DMD: variants seen among roughly 807,000 people sequenced by gnomAD.
The protein encoded by DMD is mutant dystrophin.
In DMD, 63 loss-of-function variants were observed where a neutral mutation model predicts 330.1. That is an observed-to-expected ratio of 0.19 (90% CI 0.16 to 0.24). The LOEUF (loss-of-function observed/expected upper bound fraction) is 0.24. Among genes scored for constraint, DMD ranks in the 10% least tolerant of loss-of-function variants. The pLI is 1.00. For synonymous variants in DMD, 1,223 were observed against 959.8 expected (o/e 1.27, Z -5.07); for missense variants, 3,344 against 2,684.1 (o/e 1.25, Z -5.43).
At chrX:32,990,724 C>T (rs147277539) in intron 2 of DMD, among the ~76,000 whole-genome samples, 277 of 111,531 alleles carry the variant, frequency 2.5e-3, no homozygotes, top group Non-Finnish European at 4.3e-3. Flanking sequence ...ACCCCTCTCA[C>T]CTGGAGAGTT....
intron 7 of DMD, among the ~76,000 whole-genome samples, chrX:32,772,240 T>A (rs1442432437): frequency 4.4e-5 from 5 of 112,853 alleles, no homozygotes; most frequent in Admixed American, 9.3e-5. Flanking sequence ...CATATTCTAC[T>A]ATATGCACTT....
chrX:32,698,257 C>T (rs1451197380), intron 8 of DMD, among the ~76,000 whole-genome samples: 1 of 111,331 alleles, frequency 9.0e-6, no homozygotes, highest in South Asian at 3.8e-4. Flanking sequence ...CAAAGTAACA[C>T]AACTCCAACA....
rs1297633902 is a variant in DMD, at chrX:32,183,811, G to GT, written c.6438+33104dup. Among the ~76,000 whole-genome samples, 16 of 109,283 alleles carry GT rather than the reference G, an allele frequency of 1.5e-4. No homozygotes were observed. In the South Asian group the frequency reaches 6.2e-3, roughly 43 times the overall value. The allele number at this position is 109,283 out of a possible 115,157, so 94.9% of individuals were successfully genotyped here. ...CTTTTTAAACTGAGTGTGCATGAAT[G>GT]TTTTTTATCAGAAGCATTATTTAAA... On this transcript the variant is annotated intron_variant, in intron 44 of 78. Transcript: ENST00000357033.
chrX:31,680,459 C>G (rs1351654840), intron 52 of DMD, among the ~76,000 whole-genome samples: 3 of 110,199 alleles, frequency 2.7e-5, no homozygotes, highest in Admixed American at 1.9e-4. Flanking sequence ...CAACCTCCGC[C>G]TCCCGGGTTC....
intron 55 of DMD, among the ~76,000 whole-genome samples, chrX:31,608,022 AT>A (rs752624843): frequency 8.9e-6 from 1 of 112,245 alleles, no homozygotes; most frequent in South Asian, 3.7e-4. Context: ...ATCCATGCCA[AT>A]TTTGGAAGTA....
intron 44 of DMD, among the ~76,000 whole-genome samples, chrX:32,045,092 A>T (rs919366239): frequency 1.8e-5 from 2 of 110,212 alleles, no homozygotes; most frequent in Non-Finnish European, 3.8e-5. Context: ...GTTTTTTTTT[A>T]AAGTGTGTGG....
chrX:32,558,775 A>AT (rs961612248), intron 16 of DMD, among the ~76,000 whole-genome samples: 4 of 110,774 alleles, frequency 3.6e-5, no homozygotes, highest in African/African-American at 1.3e-4. Context: ...AATGTATTAA[A>AT]TTTTTTAGTG....
At chrX:32,474,801 G>C (rs749122356) in intron 21 of DMD, among the ~76,000 whole-genome samples, 3 of 111,286 alleles carry the variant, frequency 2.7e-5, no homozygotes, top group Non-Finnish European at 5.7e-5. Context: ...CCACTCCATG[G>C]GTTGCCTGTT....
chrX:32,722,743 C>T (rs1043596405), intron 7 of DMD, among the ~76,000 whole-genome samples: 1 of 110,396 alleles, frequency 9.1e-6, no homozygotes, highest in East Asian at 2.8e-4. Context: ...TTTTGGATAT[C>T]TTTTGCATAA....
intron 55 of DMD, among the ~76,000 whole-genome samples, chrX:31,519,210 T>C (rs1254317230): frequency 8.9e-6 from 1 of 112,113 alleles, no homozygotes; most frequent in Non-Finnish European, 1.9e-5. Flanking sequence ...ATCTGTGCAA[T>C]TTGTCTATAT....
At chrX:33,176,102 AAC>A (rs2049635193) in intron 1 of DMD, among the ~76,000 whole-genome samples, 1 of 111,235 alleles carries the variant, frequency 9.0e-6, no homozygotes, top group African/African-American at 3.3e-5. Context: ...TCTGAGGAGG[AAC>A]AAAGGGTAAC....
chrX:33,280,943 A>T (rs1192191332), intron 1 of DMD, among the ~76,000 whole-genome samples: 2 of 111,625 alleles, frequency 1.8e-5, no homozygotes, highest in Non-Finnish European at 3.8e-5. Flanking sequence ...ATCCTATATA[A>T]TTTTTATAAT....
At chrX:31,523,268 C>T (rs530054112) in intron 55 of DMD, among the ~76,000 whole-genome samples, 16 of 111,166 alleles carry the variant, frequency 1.4e-4, no homozygotes, top group Admixed American at 1.3e-3. Flanking sequence ...ATCTTCTCCT[C>T]AAAAACCTGC....
chrX:31,764,290 G>A (rs2089842063), intron 51 of DMD, among the ~76,000 whole-genome samples: 1 of 111,439 alleles, frequency 9.0e-6, no homozygotes, highest in Non-Finnish European at 1.9e-5. Context: ...CTCTTCTAGT[G>A]CCTAACATCT....
At chrX:32,896,581 G>T (rs1166120781) in intron 2 of DMD, among the ~76,000 whole-genome samples, 1 of 111,581 alleles carries the variant, frequency 9.0e-6, no homozygotes, top group Non-Finnish European at 1.9e-5. Flanking sequence ...TTAAAGCAGT[G>T]GTAACAAAAC....
chrX:32,779,017 T>A (rs1450783418), intron 7 of DMD, among the ~76,000 whole-genome samples: 1 of 111,732 alleles, frequency 8.9e-6, no homozygotes, highest in Non-Finnish European at 1.9e-5. Context: ...TCACTTTGTC[T>A]CCGATATACT....
intron 55 of DMD, among the ~76,000 whole-genome samples, chrX:31,550,963 T>A (rs933337264): frequency 6.3e-5 from 7 of 111,784 alleles, no homozygotes; most frequent in Non-Finnish European, 1.3e-4. Flanking sequence ...GGCGGATCAC[T>A]TGAGATCAGG....
intron 74 of DMD, among the ~76,000 whole-genome samples, chrX:31,156,341 T>G (rs367889663): frequency 8.9e-6 from 1 of 112,441 alleles, no homozygotes; most frequent in East Asian, 2.8e-4. Context: ...TTTCTTCTAG[T>G]GATATCTGCA....
rs373018766 is a variant in DMD at position 32,634,019 on chromosome X, A to G, written c.1331+10113T>C. Among the ~76,000 whole-genome samples, 25 of 111,731 alleles carry G rather than the reference A, an allele frequency of 2.2e-4. No homozygotes were observed. In the East Asian group the frequency reaches 5.7e-3, roughly 25 times the overall value. On this transcript the variant is annotated intron_variant, in intron 11 of 78. Transcript: ENST00000357033. ...CCAAACTATATCAACTCAAGAACCT[A>G]AGAAATCTACCTGGTGCTCTATTCT...
Sources: allele counts gnomAD v4.1 joint callset (sites outside exome capture counted in the v4.1 genomes callset), GRCh38; gene constraint gnomAD v4.1.1; transcripts MANE v1.5; gene names NCBI Gene and HGNC (gene_info 2026-07-23, HGNC 2026-07-21).